The following FRMD4B variants were observed in gnomAD, a reference collection of about 807,000 sequenced individuals.
FRMD4B encodes the protein FERM domain containing 4B, also known as FERM domain-containing protein 4B.
FRMD4B carries 74 observed loss-of-function variants against 141.5 expected under a neutral mutation model. The ratio of observed to expected loss-of-function variants is 0.52; its 90% CI spans 0.43 to 0.63. The LOEUF (loss-of-function observed/expected upper bound fraction) is 0.63, where lower values mean the gene tolerates loss of function less well. Among genes scored for constraint, FRMD4B ranks in the 30% least tolerant of loss-of-function variants. The pLI is 0.00. For missense variants in FRMD4B, 1,366 were observed against 1,253.4 expected, an observed-to-expected ratio of 1.09 and a Z score of -1.36; for synonymous variants, 506 against 467.9, an observed-to-expected ratio of 1.08 and a Z score of -1.05.
chr3:69,258,856 A>G (rs2093508844), intron 5 of FRMD4B, among the ~76,000 whole-genome samples: 1 of 152,012 alleles, frequency 6.6e-6, no homozygotes, highest in African/African-American at 2.4e-5. Flanking sequence ...TTTTTCTGAA[A>G]CTCAGCTCCT....
intron 1 of FRMD4B, among the ~76,000 whole-genome samples, chr3:69,336,884 C>T (rs1179115164): frequency 1.3e-5 from 2 of 152,180 alleles, no homozygotes; most frequent in African/African-American, 4.8e-5. Flanking sequence ...GCAGAGGTTG[C>T]AGTGAGCCAA....
chr3:69,363,080 G>C (rs552668854), intron 1 of FRMD4B, among the ~76,000 whole-genome samples: 4 of 151,892 alleles, frequency 2.6e-5, no homozygotes, highest in African/African-American at 7.3e-5. Context: ...CAGTGCCAAG[G>C]TTGGTGAGGT....
Position 69,324,871 on chromosome 3 carries a change from G to GA in FRMD4B, c.163-11355dup, listed in dbSNP as rs527244731. ...GTTTTGGAAGGCTGAGGCGGGGGGG[G>GA]ATTGCTTGAGCCCAGGAGTCTGAGA... On this transcript the variant is annotated intron_variant, in intron 1 of 22. Coordinates refer to ENST00000398540, the MANE Select transcript of FRMD4B (RefSeq NM_015123.3). Among the ~76,000 whole-genome samples the GA allele has an allele frequency of 1.5e-3, 231 of 150,646 alleles. 1 individual carries two copies. The highest frequency in any genetic ancestry group is 2.8e-3 in the Non-Finnish European group (189 of 67,512).
At chr3:69,307,056 ACTT>A in intron 3 of FRMD4B, among the ~76,000 whole-genome samples, 1 of 151,978 alleles carries the variant, frequency 6.6e-6, no homozygotes, top group Admixed American at 6.6e-5. Context: ...CCCCGCTCAT[ACTT>A]CTTCTGAAAA....
At chr3:69,432,362 G>T (rs1425122846) in intron 2 of FRMD4B, among the ~76,000 whole-genome samples, 1 of 152,132 alleles carries the variant, frequency 6.6e-6, no homozygotes, top group Non-Finnish European at 1.5e-5. Context: ...TGCTCTGTGG[G>T]AAAAGACCTA....
chr3:69,531,324 A>C (rs1221700811), intron 1 of FRMD4B, among the ~76,000 whole-genome samples: 1 of 152,220 alleles, frequency 6.6e-6, no homozygotes, highest in Non-Finnish European at 1.5e-5. Flanking sequence ...ATTACGGCAC[A>C]GAACAAAAAG....
rs536116585 is a variant in FRMD4B, at chr3:69,478,510, C to T, written c.-128-45749G>A. 8.5e-3 allele frequency among the ~76,000 whole-genome samples: 1,289 copies of T among 152,204 alleles called. 12 individuals are homozygous for T. Among genetic ancestry groups the T allele is most frequent in the African/African-American group, 0.027 (1,114 of 41,512 alleles). Reference sequence around the variant, plus strand: ...GTTGTTCAGTTTCCATGTAGTTGAGCGGTTTTGAGTGAGTTTCTTAATCCT... The same window carrying T: ...GTTGTTCAGTTTCCATGTAGTTGAGTGGTTTTGAGTGAGTTTCTTAATCCT... On this transcript the variant is annotated intron_variant, in intron 1 of 5. Coordinates refer to the FRMD4B transcript ENST00000459638.
chr3:69,208,493 C>A (rs1287483658), intron 11 of FRMD4B, among the ~76,000 whole-genome samples: 1 of 147,424 alleles, frequency 6.8e-6, no homozygotes, highest in African/African-American at 2.4e-5. Context: ...GCCACTGCAA[C>A]CAGCCTTCTC....
chr3:69,261,752 A>G (rs544495978), intron 5 of FRMD4B, among the ~76,000 whole-genome samples: 1 of 152,242 alleles, frequency 6.6e-6, no homozygotes, highest in South Asian at 2.1e-4. Flanking sequence ...AGCTCACCAC[A>G]ACCTCCACCT....
chr3:69,530,951 C>T (rs753329676), intron 1 of FRMD4B, among the ~76,000 whole-genome samples: 5 of 152,096 alleles, frequency 3.3e-5, no homozygotes, highest in African/African-American at 9.7e-5. Context: ...TTAAAGCAAC[C>T]GGACAGACAG....
chr3:69,445,497 C>G (rs1705399317), intron 1 of FRMD4B, among the ~76,000 whole-genome samples: 1 of 152,156 alleles, frequency 6.6e-6, no homozygotes, highest in African/African-American at 2.4e-5. Flanking sequence ...TCATTAAACC[C>G]CCTGCTTAAA....
At chr3:69,317,686 C>T (rs1235266993) in intron 1 of FRMD4B, among the ~76,000 whole-genome samples, 1 of 127,748 alleles carries the variant, frequency 7.8e-6, no homozygotes, top group African/African-American at 3.0e-5. Context: ...ACCCAGGAGG[C>T]GGAGATTGCA....
chr3:69,294,305 T>G (rs1372255485), intron 4 of FRMD4B, among the ~76,000 whole-genome samples: 2 of 152,182 alleles, frequency 1.3e-5, no homozygotes, highest in East Asian at 3.8e-4. Flanking sequence ...GATCTCTGTT[T>G]ATTGCTTGTA....
At chr3:69,340,821 G>A (rs1310037350) in intron 1 of FRMD4B, among the ~76,000 whole-genome samples, 1 of 152,064 alleles carries the variant, frequency 6.6e-6, no homozygotes, top group Non-Finnish European at 1.5e-5. Context: ...AAATACTGAT[G>A]TACTTTGTTA....
At chr3:69,399,422 CA>C (rs1704523724) in intron 2 of FRMD4B, among the ~76,000 whole-genome samples, 1 of 152,176 alleles carries the variant, frequency 6.6e-6, no homozygotes, top group South Asian at 2.1e-4. Flanking sequence ...ATTTGTATCC[CA>C]ACATCTCTAT....
intron 1 of FRMD4B, among the ~76,000 whole-genome samples, chr3:69,490,608 A>T (rs763425596): frequency 6.6e-6 from 1 of 152,182 alleles, no homozygotes; most frequent in Non-Finnish European, 1.5e-5. Flanking sequence ...GCCCACAGTC[A>T]CCACCTACCT....
intron 13 of FRMD4B, 27 bp from the exon 14 acceptor site, chr3:69,196,423 A>T: frequency 6.4e-7 from 1 of 1,562,050 alleles, no homozygotes; most frequent in Non-Finnish European, 8.7e-7. Context: ...AATGAAACAG[A>T]ATTAACTCAA....
At chr3:69,186,245 C>CT (rs2092765971) in intron 19 of FRMD4B, among the ~76,000 whole-genome samples, 1 of 108,346 alleles carries the variant, frequency 9.2e-6, no homozygotes, top group South Asian at 3.5e-4. Context: ...TTTTCTTTTT[C>CT]CTTTTTTTTT....
chr3:69,477,375 C>G (rs1466196212), intron 1 of FRMD4B, among the ~76,000 whole-genome samples: 1 of 146,222 alleles, frequency 6.8e-6, no homozygotes, highest in African/African-American at 2.7e-5. Context: ...TGAGATACGT[C>G]CCATCAATAC....
Sources: allele counts gnomAD v4.1 joint callset (sites outside exome capture counted in the v4.1 genomes callset), GRCh38; gene constraint gnomAD v4.1.1; transcripts MANE v1.5; gene names NCBI Gene and HGNC (gene_info 2026-07-23, HGNC 2026-07-21).